The following PCNX2 variants were observed in gnomAD, a reference collection of about 807,000 sequenced individuals.
PCNX2 encodes pecanex-like protein 2.
PCNX2 carries 168 observed loss-of-function variants against 223.8 expected under a neutral mutation model. That is an observed-to-expected ratio of 0.75 (90% CI 0.66 to 0.85). PCNX2 has a LOEUF of 0.85. Among genes scored for constraint, PCNX2 ranks in the 40% least tolerant of loss-of-function variants. The pLI is 0.00. For missense variants in PCNX2, 2,507 were observed against 2,675.5 expected, an observed-to-expected ratio of 0.94 and a Z score of 1.39; for synonymous variants, 1,006 against 1,052.6, an observed-to-expected ratio of 0.96 and a Z score of 0.86.
At chr1:233,205,080 T>C (rs188387649) in intron 13 of PCNX2, among the ~76,000 whole-genome samples, 6 of 152,180 alleles carry the variant, frequency 3.9e-5, no homozygotes, top group Non-Finnish European at 8.8e-5. Context: ...ACACCTCACA[T>C]CCCAATGCCA....
At chr1:233,092,031 C>A (rs1271724935) in intron 22 of PCNX2, among the ~76,000 whole-genome samples, 2 of 152,030 alleles carry the variant, frequency 1.3e-5, no homozygotes, top group African/African-American at 4.8e-5. Flanking sequence ...AATACTTCTG[C>A]CACAAAACAC....
At chr1:233,042,312 A>G (rs1671671104) in intron 25 of PCNX2, among the ~76,000 whole-genome samples, 1 of 151,978 alleles carries the variant, frequency 6.6e-6, no homozygotes, top group South Asian at 2.1e-4. Flanking sequence ...GGATTCCCTC[A>G]CTTGCCACTG....
intron 23 of PCNX2, among the ~76,000 whole-genome samples, chr1:233,080,431 T>C (rs1019168131): frequency 2.9e-4 from 42 of 144,270 alleles, no homozygotes; most frequent in Admixed American, 2.0e-3. Context: ...CACACACACA[T>C]GCACGCATCT....
chr1:233,259,119 ACTAAGC>A lies in PCNX2; in HGVS notation c.737_742del (p.Gly246_Leu247del). Reference sequence around the variant, plus strand: ...CAACTTCTTCAAGGGTCCCTTATCCACTAAGCCACCCTCGGATCTGTGGCGCAAAGG... The same window carrying A: ...CAACTTCTTCAAGGGTCCCTTATCCACACCCTCGGATCTGTGGCGCAAAGG... On this transcript the variant is annotated inframe_deletion, in exon 5 of 34. Transcript: ENST00000258229. 4.3e-6 allele frequency: 7 copies of A among 1,613,920 alleles called. No homozygotes were observed. Among genetic ancestry groups the A allele is most frequent in the Non-Finnish European group, 5.9e-6 (7 of 1,179,902 alleles).
At chr1:233,112,654 C>T (rs1337172563) in intron 21 of PCNX2, among the ~76,000 whole-genome samples, 1 of 152,148 alleles carries the variant, frequency 6.6e-6, no homozygotes, top group South Asian at 2.1e-4. Flanking sequence ...AAAAGATGGG[C>T]GTTCGTAAAT....
intron 1 of PCNX2, among the ~76,000 whole-genome samples, chr1:233,275,133 T>C (rs1418090508): frequency 1.3e-5 from 2 of 152,198 alleles, no homozygotes; most frequent in Admixed American, 1.3e-4. Flanking sequence ...CTTTTGCTAG[T>C]GTTAGAATTT....
intron 1 of PCNX2, among the ~76,000 whole-genome samples, chr1:233,272,723 G>C (rs762373669): frequency 6.6e-6 from 1 of 152,178 alleles, no homozygotes; most frequent in Non-Finnish European, 1.5e-5. Flanking sequence ...ATTCGCAATT[G>C]CAAAAATACG....
At chr1:233,052,574 C>T (rs935346469) in intron 25 of PCNX2, among the ~76,000 whole-genome samples, 1 of 152,186 alleles carries the variant, frequency 6.6e-6, no homozygotes, top group Non-Finnish European at 1.5e-5. Flanking sequence ...CTTAACCTGG[C>T]CCTTGCAGGA....
chr1:233,002,353 A>G (rs538504771), intron 28 of PCNX2, among the ~76,000 whole-genome samples: 2 of 152,176 alleles, frequency 1.3e-5, no homozygotes, highest in African/African-American at 4.8e-5. Context: ...GCATTCATAT[A>G]CACCAATAAT....
chr1:233,089,414 C>T (rs865850741), intron 23 of PCNX2, among the ~76,000 whole-genome samples: 2 of 152,272 alleles, frequency 1.3e-5, no homozygotes, highest in African/African-American at 4.8e-5. Context: ...TCAAGACCTT[C>T]CCCACAAATC....
chr1:233,314,999 G>A, the PCNX2 span, among the ~76,000 whole-genome samples: 1 of 152,142 alleles, frequency 6.6e-6, no homozygotes, highest in South Asian at 2.1e-4. Flanking sequence ...AGTGCCTTCA[G>A]GATAACAAAG....
intron 19 of PCNX2, 182 bp downstream of exon 19, chr1:233,160,100 TA>T: frequency 1.6e-6 from 1 of 621,500 alleles, no homozygotes; most frequent in Non-Finnish European, 2.7e-6. Flanking sequence ...CCATATACTC[TA>T]AGGTACACGT....
chr1:233,211,897 A>G (rs750242), intron 12 of PCNX2: 100,047 of 814,456 alleles, frequency 0.12, 6,532 homozygotes, highest in East Asian at 0.33. Flanking sequence ...CTGGGCAGAG[A>G]AAAGGGCTCC....
chr1:233,215,825 C>T (rs1341888430), intron 12 of PCNX2, among the ~76,000 whole-genome samples: 1 of 152,216 alleles, frequency 6.6e-6, no homozygotes, highest in Non-Finnish European at 1.5e-5. Flanking sequence ...CACAACAATA[C>T]ATCTCAATAC....
At chr1:233,064,537 G>T (rs865977281) in intron 23 of PCNX2, among the ~76,000 whole-genome samples, 3 of 152,148 alleles carry the variant, frequency 2.0e-5, no homozygotes, top group African/African-American at 7.2e-5. Flanking sequence ...GCTTCTGTAG[G>T]ACTAACGCTT....
chr1:233,124,037 C>T (rs535827408), intron 21 of PCNX2, among the ~76,000 whole-genome samples: 1 of 152,214 alleles, frequency 6.6e-6, no homozygotes, highest in East Asian at 1.9e-4. Context: ...AACCAACCAA[C>T]CACCTGCCAG....
In PCNX2 at chr1:233,253,706, C is replaced by T. The variant is rs965161569; in HGVS notation, c.1835-918G>A. Among the ~76,000 whole-genome samples, 6 of 152,170 alleles carry T rather than the reference C, an allele frequency of 3.9e-5. No individual in the cohort carries two copies. ...GACACAGAGAGCTACAATACCTATT[C>T]CTTGCCCTGAGAACATTTTAAGATG... On this transcript the variant is annotated intron_variant, in intron 5 of 33. Coordinates refer to ENST00000258229, the MANE Select transcript of PCNX2 (RefSeq NM_014801.4). The surrounding 1 kb of genome is among the most constrained non-coding windows in gnomAD (Gnocchi z 4.2).
chr1:233,090,479 T>G (rs1324809094), intron 22 of PCNX2, among the ~76,000 whole-genome samples: 1 of 152,112 alleles, frequency 6.6e-6, no homozygotes, highest in East Asian at 1.9e-4. Flanking sequence ...AAAGAACAGT[T>G]TCTTTTCACT....
intron 4 of PCNX2, among the ~76,000 whole-genome samples, chr1:233,260,114 G>GT (rs1659969773): frequency 6.6e-6 from 1 of 152,104 alleles, no homozygotes; most frequent in Non-Finnish European, 1.5e-5. Context: ...AACTAGGATG[G>GT]TATCTTTTAT....
Sources: gnomAD v4.1 joint callset for allele counts (sites outside exome capture counted in the v4.1 genomes callset) on GRCh38, gnomAD v4.1.1 for gene constraint, Gnocchi (gnomAD v3.1) non-coding constraint, MANE v1.5 for transcripts, NCBI Gene and HGNC (gene_info 2026-07-23, HGNC 2026-07-21) for gene names.